The following DCBLD1 variants were observed in gnomAD, a reference collection of about 807,000 sequenced individuals.
The protein encoded by DCBLD1 is discoidin, CUB and LCCL domain containing 1.
A neutral mutation model predicts 71.5 loss-of-function variants in DCBLD1; 57 were observed. That is an observed-to-expected ratio of 0.80 (90% CI 0.64 to 0.99). The LOEUF (loss-of-function observed/expected upper bound fraction) is 0.99. DCBLD1 is among the 50% of genes least tolerant of loss of function. DCBLD1 has a pLI of 0.00. For missense variants in DCBLD1, 891 were observed against 923.5 expected, an observed-to-expected ratio of 0.96 and a Z score of 0.46; for synonymous variants, 380 against 363.8, an observed-to-expected ratio of 1.04 and a Z score of -0.51.
intron 14 of DCBLD1, among the ~76,000 whole-genome samples, chr6:117,560,093 T>G (rs975927563): frequency 1.3e-5 from 2 of 152,212 alleles, no homozygotes; most frequent in African/African-American, 4.8e-5. Context: ...AGAATACCCT[T>G]TTAAATAGTA....
chr6:117,561,684 C>T (rs1361133181), intron 14 of DCBLD1: 1 of 204,092 alleles, frequency 4.9e-6, no homozygotes, highest in Non-Finnish European at 1.0e-5. Flanking sequence ...TGCTCAGAGA[C>T]AATGCTATAA....
At chr6:117,489,824 G>A (rs894439299) in intron 1 of DCBLD1, among the ~76,000 whole-genome samples, 20 of 152,202 alleles carry the variant, frequency 1.3e-4, no homozygotes, top group African/African-American at 4.1e-4. Context: ...GGCGGAGCTT[G>A]CAGTGAGCGG....
At chr6:117,489,840 A>C (rs112369562) in intron 1 of DCBLD1, among the ~76,000 whole-genome samples, 6 of 152,244 alleles carry the variant, frequency 3.9e-5, no homozygotes, top group East Asian at 3.9e-4. Context: ...AGCGGAGATC[A>C]CGCCCCTGCA....
At chr6:117,566,431 C>G (rs1419621418) in intron 14 of DCBLD1, among the ~76,000 whole-genome samples, 1 of 152,058 alleles carries the variant, frequency 6.6e-6, no homozygotes, top group African/African-American at 2.4e-5. Context: ...TAAGTTGATT[C>G]TAATAGCAAT....
At chr6:117,551,130 T>C (rs1779420605), downstream of DCBLD1, among the ~76,000 whole-genome samples, 1 of 152,196 alleles carries the variant, frequency 6.6e-6, no homozygotes, top group Admixed American at 6.5e-5. Context: ...CTAGGGGCTT[T>C]AAAGGTTTTT....
chr6:117,490,093 G>GCATACACA (rs1777235112), intron 1 of DCBLD1, among the ~76,000 whole-genome samples: 1 of 147,224 alleles, frequency 6.8e-6, no homozygotes, highest in Non-Finnish European at 1.5e-5. Flanking sequence ...TTATGTAAAT[G>GCATACACA]CACACACACA....
At chr6:117,517,188 A>G (rs1199295118) in intron 2 of DCBLD1, among the ~76,000 whole-genome samples, 1 of 152,260 alleles carries the variant, frequency 6.6e-6, no homozygotes, top group Non-Finnish European at 1.5e-5. Context: ...CATTGGGTAA[A>G]TACAGCCATT....
At chr6:117,522,366 G>A (rs550593570) in intron 4 of DCBLD1, among the ~76,000 whole-genome samples, 3 of 152,188 alleles carry the variant, frequency 2.0e-5, no homozygotes, top group African/African-American at 7.2e-5. Context: ...TCTCATGGTG[G>A]GCAGAATCGC....
chr6:117,520,668 G>C (rs1187145571), intron 3 of DCBLD1, among the ~76,000 whole-genome samples: 1 of 152,180 alleles, frequency 6.6e-6, no homozygotes, highest in Non-Finnish European at 1.5e-5. Flanking sequence ...ACACTGATGA[G>C]AGAGAGAAGC....
At chr6:117,515,535 G>A (rs1413866561) in intron 2 of DCBLD1, among the ~76,000 whole-genome samples, 1 of 152,206 alleles carries the variant, frequency 6.6e-6, no homozygotes, top group Non-Finnish European at 1.5e-5. Context: ...CCTCTTATCT[G>A]TGCAAAGAAC....
At chr6:117,567,508 A>G (rs1779722289) in intron 14 of DCBLD1, among the ~76,000 whole-genome samples, 1 of 152,166 alleles carries the variant, frequency 6.6e-6, no homozygotes, top group African/African-American at 2.4e-5. Flanking sequence ...GACATCATAT[A>G]AATCTTTTCT....
chr6:117,490,885 G>C (rs1777269542), intron 1 of DCBLD1, among the ~76,000 whole-genome samples: 1 of 152,156 alleles, frequency 6.6e-6, no homozygotes, highest in Non-Finnish European at 1.5e-5. Context: ...CATGTTTAGT[G>C]ATTGTGCTTA....
At chr6:117,519,291 A>T (rs1239915192) in intron 2 of DCBLD1, among the ~76,000 whole-genome samples, 1 of 152,212 alleles carries the variant, frequency 6.6e-6, no homozygotes, top group Non-Finnish European at 1.5e-5. Context: ...TTTTATGTAC[A>T]TTTTATAAAT....
rs930147332 is a variant in DCBLD1 at position 117,488,501 on chromosome 6, C to T, written c.112+5608C>T. Among the ~76,000 whole-genome samples the T allele has an allele frequency of 3.3e-5, 5 of 152,030 alleles. No individual in the cohort carries two copies. The East Asian group carries it at 5.8e-4, about 18-fold the overall frequency. ...CTCTACAAAAAATACAAAAATTTGC[C>T]GGGCGTGGTGGCACATGCCTGTAAT... On this transcript the variant is annotated intron_variant, in intron 1 of 14. Coordinates refer to ENST00000338728, the MANE Select transcript of DCBLD1 (RefSeq NM_001366458.2).
intron 11 of DCBLD1, among the ~76,000 whole-genome samples, chr6:117,542,845 A>G (rs1400607304): frequency 6.6e-6 from 1 of 152,092 alleles, no homozygotes; most frequent in East Asian, 1.9e-4. Flanking sequence ...TTGGAGTTTA[A>G]TATGGGCCAA....
At chr6:117,534,013 C>T (rs1316175136) in intron 6 of DCBLD1, among the ~76,000 whole-genome samples, 2 of 152,236 alleles carry the variant, frequency 1.3e-5, no homozygotes, top group Non-Finnish European at 2.9e-5. Context: ...ATGCCGTGCA[C>T]TTGGACATGC....
At chr6:117,495,818 A>AT (rs1158536400) in intron 1 of DCBLD1, among the ~76,000 whole-genome samples, 2 of 152,196 alleles carry the variant, frequency 1.3e-5, no homozygotes, top group Admixed American at 6.5e-5. Context: ...AGATTTTGAG[A>AT]TTTTTTTCCT....
downstream of DCBLD1, among the ~76,000 whole-genome samples, chr6:117,552,431 C>T (rs1472940650): frequency 6.6e-6 from 1 of 152,154 alleles, no homozygotes; most frequent in Non-Finnish European, 1.5e-5. Flanking sequence ...GCTGCCTGTC[C>T]TCCCAACAAA....
At chr6:117,534,394 AACTTG>A (rs1444102903) in intron 6 of DCBLD1, among the ~76,000 whole-genome samples, 4 of 152,214 alleles carry the variant, frequency 2.6e-5, no homozygotes, top group Non-Finnish European at 5.9e-5. Flanking sequence ...TGCCAACTTG[AACTTG>A]ACTTTTGAGA....
Sources: gnomAD v4.1 joint callset for allele counts (sites outside exome capture counted in the v4.1 genomes callset) on GRCh38, gnomAD v4.1.1 for gene constraint, MANE v1.5 for transcripts, NCBI Gene and HGNC (gene_info 2026-07-23, HGNC 2026-07-21) for gene names.